The following CCDC150 variants were observed in gnomAD, a reference collection of about 807,000 sequenced individuals.
CCDC150 encodes the protein coiled-coil domain-containing protein 150.
In CCDC150, 151 loss-of-function variants were observed where a neutral mutation model predicts 156.5. The observed-to-expected ratio is 0.97, with a 90% confidence interval of 0.85 to 1.10. The LOEUF is 1.10. Ranked by LOEUF, CCDC150 falls within the 50% of genes least tolerant of loss-of-function variation. CCDC150 has a pLI of 0.00. For synonymous variants in CCDC150, 452 were observed against 429.4 expected, an observed-to-expected ratio of 1.05 and a Z score of -0.65; for missense variants, 1,312 against 1,268.1, an observed-to-expected ratio of 1.03 and a Z score of -0.53.
rs181701864 is a variant in CCDC150 at position 196,683,997 on chromosome 2, C to T, written c.1509+6636C>T. Among the ~76,000 whole-genome samples, 16 of 151,924 alleles carry T rather than the reference C, an allele frequency of 1.1e-4. No individual in the cohort carries two copies. The East Asian group carries it at 2.5e-3, about 24-fold the overall frequency. ...TAGATTTTTCTCTATCTTATTTCTG[C>T]GTTAATCTTGTTACCTTCTTTATGT... On this transcript the variant is annotated intron_variant, in intron 13 of 27. Transcript: ENST00000389175.
rs554859152 is a variant in CCDC150, at chr2:196,644,963, A to AC, written c.13-1378_13-1377insC. On this transcript the variant is annotated intron_variant, in intron 1 of 27. Coordinates refer to ENST00000389175, the MANE Select transcript of CCDC150 (RefSeq NM_001080539.2). ...AACCCCGTCTCTACTAAAAATACAA[A>AC]AAAAAAAAAAATTAGCCGGGCATGG... Among the ~76,000 whole-genome samples the AC allele has an allele frequency of 9.1e-3, 1,369 of 150,812 alleles. 10 individuals carry two copies. Among genetic ancestry groups the AC allele is most frequent in the South Asian group, 0.015 (70 of 4,738 alleles).
intron 13 of CCDC150, among the ~76,000 whole-genome samples, chr2:196,694,669 C>G (rs1238518183): frequency 6.6e-6 from 1 of 152,056 alleles, no homozygotes; most frequent in Non-Finnish European, 1.5e-5. Context: ...CGAGACCAGC[C>G]TGAACAACAT....
At chr2:196,731,425 C>T (rs1241342305) in intron 26 of CCDC150, among the ~76,000 whole-genome samples, 4 of 145,588 alleles carry the variant, frequency 2.7e-5, no homozygotes, top group Non-Finnish European at 6.0e-5. Flanking sequence ...CAGGGTCTCA[C>T]TCTGTCACCA....
intron 13 of CCDC150, among the ~76,000 whole-genome samples, chr2:196,684,750 TA>T (rs1575831207): frequency 6.6e-6 from 1 of 152,186 alleles, no homozygotes; most frequent in East Asian, 1.9e-4. Flanking sequence ...TATATATTTA[TA>T]AATGATACAT....
At chr2:196,724,875 A>G (rs1013383624) in intron 21 of CCDC150, among the ~76,000 whole-genome samples, 5 of 152,190 alleles carry the variant, frequency 3.3e-5, no homozygotes, top group Non-Finnish European at 7.4e-5. Context: ...AACCATAATT[A>G]TATCCAATGA....
chr2:196,694,222 A>G (rs1695671967), intron 13 of CCDC150, among the ~76,000 whole-genome samples: 1 of 151,620 alleles, frequency 6.6e-6, no homozygotes, highest in Non-Finnish European at 1.5e-5. Flanking sequence ...ACGCCTGGCT[A>G]ATTTTGCATT....
rs1461825129 is a variant in CCDC150 at position 196,672,354 on chromosome 2, A to G, written c.946A>G (p.Ile316Val). The G allele has an allele frequency of 2.0e-6, 3 of 1,524,554 alleles. No individual in the cohort carries two copies. Among genetic ancestry groups the G allele is most frequent in the Non-Finnish European group, 2.6e-6 (3 of 1,136,570 alleles). 94.4% of individuals were successfully genotyped at this position (1,524,554 alleles called of 1,614,324 possible). A position where few individuals can be genotyped will look rare whatever the true frequency, so the allele number is the denominator to read the frequency against. Residue 316 changes from isoleucine to valine, a missense_variant, in exon 9 of 28, where the codon ATA becomes GTA. By Grantham distance (29) the Ile-to-Val change is conservative. Transcript: ENST00000389175. ...ATTTTTTTTCTTATAGAACCTGCAG[A>G]TATCTTTCAACAAGGAACATGAAGA... is the stretch of plus-strand genomic sequence containing the variant. ...KLVEENKNLQ[I>V]SFNKEHEENA... is the part of the protein sequence containing the mutation.
chr2:196,665,468 G>C, intron 5 of CCDC150, 99 bp from the exon 6 acceptor site: 1 of 593,768 alleles, frequency 1.7e-6, no homozygotes, highest in Non-Finnish European at 2.9e-6. Flanking sequence ...GACTGTTTGG[G>C]GGTGAGATGG....
At chr2:196,680,521 G>A (rs1478465129) in intron 13 of CCDC150, among the ~76,000 whole-genome samples, 1 of 151,850 alleles carries the variant, frequency 6.6e-6, no homozygotes, top group African/African-American at 2.4e-5. Context: ...GGCCAGTCTC[G>A]AACTCCTGGG....
At chr2:196,726,912 G>C (rs1372174433) in intron 22 of CCDC150, 1 of 152,318 alleles carries the variant, frequency 6.6e-6, no homozygotes, top group East Asian at 1.9e-4. Flanking sequence ...TTCTGAGCAG[G>C]GGGTGGTATG....
intron 22 of CCDC150, chr2:196,726,943 A>G (rs1391548055): frequency 6.6e-6 from 1 of 152,194 alleles, no homozygotes; most frequent in Non-Finnish European, 1.5e-5. Context: ...GAGTTTAGGA[A>G]GGTTAATGTA....
intron 14 of CCDC150, among the ~76,000 whole-genome samples, chr2:196,698,792 A>C (rs1317057566): frequency 6.6e-6 from 1 of 152,146 alleles, no homozygotes; most frequent in African/African-American, 2.4e-5. Context: ...TGCACCCATT[A>C]ACTCGTCGTT....
intron 2 of CCDC150, 90 bp from the exon 3 acceptor site, chr2:196,656,543 T>G: frequency 2.3e-6 from 2 of 867,904 alleles, no homozygotes; most frequent in Non-Finnish European, 3.6e-6. Flanking sequence ...ATTATTATTC[T>G]TATTGGAAAT....
At chr2:196,720,786 A>C in intron 20 of CCDC150, 118 bp downstream of exon 20, 1 of 853,658 alleles carries the variant, frequency 1.2e-6, no homozygotes, top group Non-Finnish European at 1.8e-6. Context: ...ATCAAGTCTG[A>C]GTTTTGGACA....
chr2:196,706,720 G>T (rs1200565380), intron 15 of CCDC150, among the ~76,000 whole-genome samples: 5 of 152,096 alleles, frequency 3.3e-5, no homozygotes, highest in African/African-American at 9.7e-5. Context: ...GTTTTTAGCA[G>T]GAAGAGTTGT....
At chr2:196,723,319 G>T (rs1343237281) in intron 21 of CCDC150, among the ~76,000 whole-genome samples, 1 of 152,146 alleles carries the variant, frequency 6.6e-6, no homozygotes, top group East Asian at 1.9e-4. Flanking sequence ...TGGCCAACAT[G>T]GTGAAACCCC....
At chr2:196,680,365 C>G (rs759018738) in intron 13 of CCDC150, among the ~76,000 whole-genome samples, 4 of 152,112 alleles carry the variant, frequency 2.6e-5, no homozygotes, top group Non-Finnish European at 4.4e-5. Context: ...GACACAATCA[C>G]AGCTCACTGC....
chr2:196,683,327 T>C (rs1575827690), intron 13 of CCDC150, among the ~76,000 whole-genome samples: 1 of 152,128 alleles, frequency 6.6e-6, no homozygotes, highest in Non-Finnish European at 1.5e-5. Flanking sequence ...AGTGATTGAC[T>C]TGAAATGGAA....
At chr2:196,713,683 G>C in intron 17 of CCDC150, 1 of 1,400,200 alleles carries the variant, frequency 7.1e-7, no homozygotes, top group Non-Finnish European at 9.3e-7. Flanking sequence ...AACAGGACTC[G>C]GTAAGTGAAG....
Sources: gnomAD v4.1 joint callset for allele counts (sites outside exome capture counted in the v4.1 genomes callset) on GRCh38, gnomAD v4.1.1 for gene constraint, MANE v1.5 for transcripts, NCBI Gene and HGNC (gene_info 2026-07-23, HGNC 2026-07-21) for gene names.